Variants in PPFIA1 observed in about 807,000 individuals in gnomAD.
PPFIA1 encodes the protein PPFI scaffold protein A1, also known as liprin-alpha-1.
PPFIA1 carries 25 observed loss-of-function variants against 149.9 expected under a neutral mutation model. The ratio of observed to expected loss-of-function variants is 0.17; its 90% CI spans 0.12 to 0.23. PPFIA1 has a LOEUF of 0.23. Among genes scored for constraint, PPFIA1 ranks in the 10% least tolerant of loss-of-function variants. The pLI is 1.00. For synonymous variants in PPFIA1, 549 were observed against 552.8 expected, an observed-to-expected ratio of 0.99 and a Z score of 0.10; for missense variants, 1,362 against 1,506.5, an observed-to-expected ratio of 0.90 and a Z score of 1.59.
At chr11:70,272,030 C>T (rs2050125937) in intron 1 of PPFIA1, 143 bp from the exon 2 acceptor site, 5 of 946,596 alleles carry the variant, frequency 5.3e-6, no homozygotes, top group Middle Eastern at 3.4e-4. Context: ...TATGTTTTCC[C>T]AGCTTATTTA....
rs116574860 is a variant in PPFIA1 at position 70,298,193 on chromosome 11, G to T, written c.264+25757G>T. Among the ~76,000 whole-genome samples the T allele has an allele frequency of 2.0e-3, 312 of 152,260 alleles. 2 individuals carry two copies. Among genetic ancestry groups the T allele is most frequent in the African/African-American group, 7.0e-3 (292 of 41,550 alleles). On this transcript the variant is annotated intron_variant, in intron 2 of 27. Transcript: ENST00000253925. ...CACTGCCCATGTTACTTTTATTCCT[G>T]TTCCTGATTATTCCATTTCAAGGAG... is the stretch of plus-strand genomic sequence containing the variant.
intron 19 of PPFIA1, among the ~76,000 whole-genome samples, chr11:70,360,712 A>C (rs1050365400): frequency 6.6e-6 from 1 of 152,242 alleles, no homozygotes; most frequent in Admixed American, 6.5e-5. Flanking sequence ...TTGCGATACC[A>C]CTTCATACTC....
chr11:70,285,658 G>A (rs2051061274), intron 2 of PPFIA1, among the ~76,000 whole-genome samples: 1 of 149,688 alleles, frequency 6.7e-6, no homozygotes, highest in Admixed American at 6.6e-5. Flanking sequence ...CCAGCCTGGG[G>A]GACAGAGTGA....
chr11:70,350,894 C>G, intron 16 of PPFIA1: 1 of 558,348 alleles, frequency 1.8e-6, no homozygotes, highest in Non-Finnish European at 2.4e-6. Flanking sequence ...CCTGTCATTT[C>G]TATTTTAATA....
rs746898657 is a variant in PPFIA1 at position 70,374,920 on chromosome 11, G to A, written c.3142G>A (p.Val1048Met). 8.7e-6 allele frequency: 14 copies of A among 1,610,110 alleles called. No individual in the cohort carries two copies. In the South Asian group the frequency reaches 8.9e-5, roughly 10 times the overall value. ...REESQSEIKD[V>M]LVWSNDRVIR... is the part of the protein sequence containing the mutation. ...TAATTGTCTTTATTCTTTTGCAGAC[G>A]TGCTTGTTTGGAGCAATGATCGAGT... The change falls in exon 24 of 28, where the codon GTG becomes ATG. Residue 1048 changes from valine (V) to methionine (M), a missense_variant and splice_region_variant. By Grantham distance (21) the Val-to-Met change is conservative (BLOSUM62 1). Around this residue, in one of 7 missense-constraint regions of PPFIA1, gnomAD observed 349 missense variants for 373.3 expected, o/e 0.93. Coordinates refer to ENST00000253925, the MANE Select transcript of PPFIA1 (RefSeq NM_003626.5).
intron 2 of PPFIA1, among the ~76,000 whole-genome samples, chr11:70,304,887 C>T (rs147841694): frequency 6.6e-6 from 1 of 152,222 alleles, no homozygotes; most frequent in East Asian, 1.9e-4. Flanking sequence ...GTCAGCACCC[C>T]CTCATTTTAC....
intron 16 of PPFIA1, among the ~76,000 whole-genome samples, chr11:70,352,233 G>A (rs2056094390): frequency 6.6e-6 from 1 of 152,116 alleles, no homozygotes; most frequent in South Asian, 2.1e-4. Context: ...CCTGGAGTCT[G>A]TTTGTACCTT....
intron 2 of PPFIA1, among the ~76,000 whole-genome samples, chr11:70,292,350 G>A (rs1565351590): frequency 6.6e-6 from 1 of 152,296 alleles, no homozygotes; most frequent in East Asian, 1.9e-4. Flanking sequence ...ATTCCACTCC[G>A]CCTCCCCTGT....
At chr11:70,272,013 C>A in intron 1 of PPFIA1, 160 bp from the exon 2 acceptor site, 1 of 806,590 alleles carries the variant, frequency 1.2e-6, no homozygotes, top group Non-Finnish European at 2.0e-6. Flanking sequence ...TTAATATTTG[C>A]CCTGTGTATG....
chr11:70,318,460 A>G (rs2053758545), intron 2 of PPFIA1, among the ~76,000 whole-genome samples: 1 of 152,138 alleles, frequency 6.6e-6, no homozygotes, highest in African/African-American at 2.4e-5. Flanking sequence ...ACCTGCTTTC[A>G]GCTGGACTCA....
At chr11:70,335,163 A>AT (rs1433574809) in intron 10 of PPFIA1, among the ~76,000 whole-genome samples, 1 of 152,132 alleles carries the variant, frequency 6.6e-6, no homozygotes, top group Non-Finnish European at 1.5e-5. Context: ...TGCTTTGTAA[A>AT]TTAAGTTCAC....
intron 2 of PPFIA1, among the ~76,000 whole-genome samples, chr11:70,299,567 A>G (rs1199697373): frequency 1.3e-5 from 2 of 151,872 alleles, no homozygotes; most frequent in African/African-American, 4.8e-5. Flanking sequence ...TCCCTTCTGG[A>G]TGCTCCGGGG....
At chr11:70,365,890 C>G (rs1024966179) in intron 21 of PPFIA1, 7 of 454,660 alleles carry the variant, frequency 1.5e-5, no homozygotes, top group African/African-American at 1.2e-4. Context: ...TTACCGAGCT[C>G]ACCAATACTA....
In PPFIA1 at chr11:70,372,224, T is replaced by A. The variant is rs190661944; in HGVS notation, c.2875T>A (p.Tyr959Asn). The A allele has an allele frequency of 6.2e-7, 1 of 1,613,000 alleles. No individual in the cohort carries two copies. Among genetic ancestry groups the A allele is most frequent in the East Asian group, 2.2e-5 (1 of 44,880 alleles). ...APPTSRTTLA[Y>N]GDMNHEWIGN... ...CATTTATGAAAAGCAGACACTCGCC[T>A]ATGGGGACATGAACCACGAGTGGAT... is the stretch of plus-strand genomic sequence containing the variant. Residue 959 changes from tyrosine (Y) to asparagine (N), a missense_variant, in exon 22 of 28, where the codon TAT (tyrosine) becomes AAT (asparagine). Tyr to Asn is a moderately radical substitution (Grantham distance 143). Transcript: ENST00000253925.
chr11:70,339,118 G>C lies in PPFIA1; in HGVS notation c.1572-53G>C, dbSNP rs1039173921. On this transcript the variant is annotated intron_variant, in intron 13 of 27. Transcript: ENST00000253925. Reference sequence around the variant, plus strand: ...GATAGATTCTGCCTTAACTAAAAGAGAGTTTATTTTCTTTTCTTCTAATAA... The same window carrying C: ...GATAGATTCTGCCTTAACTAAAAGACAGTTTATTTTCTTTTCTTCTAATAA... 1.9e-6 allele frequency: 3 copies of C among 1,600,858 alleles called. No individual in the cohort carries two copies. The Admixed American group carries it at 5.1e-5, about 27-fold the overall frequency.
intron 15 of PPFIA1, among the ~76,000 whole-genome samples, chr11:70,344,214 G>A (rs3781646): frequency 0.18 from 26,664 of 152,170 alleles, 2,694 homozygotes; most frequent in South Asian, 0.26. Flanking sequence ...TCCCACTGCC[G>A]TCCTGAAAGC....
At chr11:70,369,542 A>G (rs1220421847) in intron 21 of PPFIA1, among the ~76,000 whole-genome samples, 1 of 151,760 alleles carries the variant, frequency 6.6e-6, no homozygotes, top group Non-Finnish European at 1.5e-5. Context: ...TTATTTATTT[A>G]TTTATTTATG....
chr11:70,372,131 T>A lies in PPFIA1; in HGVS notation c.2866-84T>A, dbSNP rs542318345. ...GTTTAGCCTTTGAGAATATAGGTAA[T>A]AGATTAAAAATTCATTTTAAAAATG... On this transcript the variant is annotated intron_variant, in intron 21 of 27. Coordinates refer to ENST00000253925, the MANE Select transcript of PPFIA1 (RefSeq NM_003626.5). 222 of 1,229,824 alleles carry A rather than the reference T, an allele frequency of 1.8e-4. 1 individual carries two copies. In the East Asian group the frequency reaches 5.3e-3, roughly 29 times the overall value. 76.2% of individuals were successfully genotyped at this position (1,229,824 alleles called of 1,614,324 possible). A position where few individuals can be genotyped will look rare whatever the true frequency, so the allele number is the denominator to read the frequency against.
intron 9 of PPFIA1, among the ~76,000 whole-genome samples, 177 bp from the exon 10 acceptor site, chr11:70,333,293 C>CA (rs2054779871): frequency 6.6e-6 from 1 of 152,212 alleles, no homozygotes; most frequent in South Asian, 2.1e-4. Flanking sequence ...CTAGCCACCT[C>CA]ATGGCCCAGC....
Sources: allele counts gnomAD v4.1 joint callset (sites outside exome capture counted in the v4.1 genomes callset), GRCh38; gene constraint gnomAD v4.1.1; regional missense constraint gnomAD v4.1.1; transcripts MANE v1.5; gene names NCBI Gene and HGNC (gene_info 2026-07-23, HGNC 2026-07-21).